Variants in KCNH5 observed in about 807,000 individuals in gnomAD.
The protein encoded by KCNH5 is voltage-gated delayed rectifier potassium channel KCNH5.
In KCNH5, 46 loss-of-function variants were observed where a neutral mutation model predicts 96.1. That is an observed-to-expected ratio of 0.48 (90% CI 0.38 to 0.61). The LOEUF is 0.61. Among genes scored for constraint, KCNH5 ranks in the 20% least tolerant of loss-of-function variants. The probability of loss-of-function intolerance (pLI) is 0.00; values close to 1 mark genes in which losing one functional copy is unlikely to be tolerated. For synonymous variants in KCNH5, 439 were observed against 449.8 expected, an observed-to-expected ratio of 0.98 and a Z score of 0.30; for missense variants, 907 against 1,225.8, an observed-to-expected ratio of 0.74 and a Z score of 3.88.
chr14:62,834,028 T>A (rs1289634667), intron 8 of KCNH5, among the ~76,000 whole-genome samples: 1 of 152,046 alleles, frequency 6.6e-6, no homozygotes, highest in African/African-American at 2.4e-5. Flanking sequence ...TGTTGTAAAA[T>A]CCAAATGGAA....
intron 8 of KCNH5, among the ~76,000 whole-genome samples, chr14:62,820,719 T>C (rs920438592): frequency 6.6e-6 from 1 of 152,184 alleles, no homozygotes; most frequent in African/African-American, 2.4e-5. Flanking sequence ...ATGTACCACA[T>C]TTTCTTTATT....
At chr14:63,038,076 T>C (rs1935886454) in intron 1 of KCNH5, among the ~76,000 whole-genome samples, 1 of 152,222 alleles carries the variant, frequency 6.6e-6, no homozygotes, top group South Asian at 2.1e-4. Context: ...AAGTACCATC[T>C]GATTTGCCCT....
intron 10 of KCNH5, among the ~76,000 whole-genome samples, chr14:62,720,701 T>G (rs1346901733): frequency 1.3e-5 from 2 of 152,178 alleles, no homozygotes; most frequent in Non-Finnish European, 2.9e-5. Flanking sequence ...TCAGTAAAAC[T>G]GACAGGTTTG....
chr14:63,044,418 T>G (rs1315861402), intron 1 of KCNH5, among the ~76,000 whole-genome samples: 1 of 152,190 alleles, frequency 6.6e-6, no homozygotes, highest in Admixed American at 6.5e-5. Context: ...TTTTTTCTAG[T>G]TGCATTAAAA....
intron 9 of KCNH5, among the ~76,000 whole-genome samples, chr14:62,795,535 T>C (rs1464965319): frequency 2.6e-5 from 4 of 152,164 alleles, no homozygotes; most frequent in Non-Finnish European, 2.9e-5. Flanking sequence ...TGTGCATAGG[T>C]TGTATGCAAA....
intron 10 of KCNH5, chr14:62,712,503 G>C: frequency 1.6e-6 from 1 of 626,448 alleles, no homozygotes; most frequent in Non-Finnish European, 2.9e-6. Context: ...GTTTCCCTTA[G>C]GTCACACAAC....
intron 8 of KCNH5, among the ~76,000 whole-genome samples, chr14:62,808,677 T>C (rs181551675): frequency 6.6e-6 from 1 of 152,274 alleles, no homozygotes; most frequent in East Asian, 1.9e-4. Flanking sequence ...TACTGGTATA[T>C]GTTCCAAAGT....
chr14:63,021,750 T>C (rs1166795121), intron 1 of KCNH5, among the ~76,000 whole-genome samples: 1 of 151,930 alleles, frequency 6.6e-6, no homozygotes, highest in African/African-American at 2.4e-5. Context: ...ACAGGATGCT[T>C]TTCACTCATT....
chr14:62,822,076 A>G (rs565460229), intron 8 of KCNH5, among the ~76,000 whole-genome samples: 2 of 152,346 alleles, frequency 1.3e-5, no homozygotes, highest in East Asian at 3.9e-4. Flanking sequence ...TAAAATATGG[A>G]CAAGAGCTGT....
intron 1 of KCNH5, among the ~76,000 whole-genome samples, chr14:63,025,778 G>A (rs560386951): frequency 7.2e-5 from 11 of 151,752 alleles, no homozygotes; most frequent in Admixed American, 5.9e-4. Context: ...TTGTTAAAAC[G>A]TCCATACTAC....
At chr14:62,735,168 T>C (rs1184004186) in intron 10 of KCNH5, among the ~76,000 whole-genome samples, 2 of 152,090 alleles carry the variant, frequency 1.3e-5, no homozygotes, top group Non-Finnish European at 2.9e-5. Flanking sequence ...TGATATTCAG[T>C]TTGAAAGTGG....
At chr14:62,897,603 C>A (rs1014176588) in intron 7 of KCNH5, among the ~76,000 whole-genome samples, 1 of 152,022 alleles carries the variant, frequency 6.6e-6, no homozygotes, top group Non-Finnish European at 1.5e-5. Context: ...CCCTGTTTGA[C>A]CCAGAACAAG....
intron 2 of KCNH5, among the ~76,000 whole-genome samples, chr14:63,011,621 G>A (rs1182737174): frequency 6.6e-6 from 1 of 152,134 alleles, no homozygotes; most frequent in East Asian, 1.9e-4. Context: ...GATTTCACTG[G>A]AGTAAATAAA....
At chr14:62,852,852 G>A (rs1483697441) in intron 7 of KCNH5, among the ~76,000 whole-genome samples, 2 of 152,050 alleles carry the variant, frequency 1.3e-5, no homozygotes, top group East Asian at 3.9e-4. Flanking sequence ...AATGAGAGAG[G>A]CCTTGGAGCA....
intron 10 of KCNH5, chr14:62,712,658 C>T (rs756838735): frequency 3.9e-6 from 3 of 776,950 alleles, no homozygotes; most frequent in Middle Eastern, 4.5e-4. Flanking sequence ...GGAAGTCGTG[C>T]AGCAGTTTCA....
In KCNH5 at chr14:62,704,804, T is replaced by C. The variant is rs1031336777; in HGVS notation, c.*2704A>G. The C allele has an allele frequency of 1.3e-5, 2 of 152,000 alleles. No individual in the cohort carries two copies. Among genetic ancestry groups the C allele is most frequent in the African/African-American group, 4.8e-5 (2 of 41,448 alleles). The allele number at this position is 152,000 out of a possible 1,614,324, so 9.4% of individuals were successfully genotyped here. On this transcript the variant is annotated 3_prime_UTR_variant, in exon 11 of 11. Transcript: ENST00000322893. ...AGAGCATCTACTGTCTATGTGCTAG[T>C]TGAGGCAACATAGAACATGATTTTA... is the stretch of plus-strand genomic sequence containing the variant.
chr14:62,820,241 T>C (rs1378178256), intron 8 of KCNH5, among the ~76,000 whole-genome samples: 1 of 152,192 alleles, frequency 6.6e-6, no homozygotes, highest in Non-Finnish European at 1.5e-5. Context: ...TAATCAATTA[T>C]GCAATTATTT....
intron 7 of KCNH5, among the ~76,000 whole-genome samples, chr14:62,932,735 G>A (rs1889604979): frequency 6.6e-6 from 1 of 152,014 alleles, no homozygotes; most frequent in Admixed American, 6.6e-5. Context: ...TTTCCAGAGT[G>A]GAAACAGAAA....
chr14:62,991,405 G>GA (rs530571868), intron 4 of KCNH5, among the ~76,000 whole-genome samples: 119 of 151,318 alleles, frequency 7.9e-4, no homozygotes, highest in Admixed American at 1.8e-3. Context: ...ACTGCTGGCA[G>GA]AAAAAAGAAA....
Sources: gnomAD v4.1 joint callset for allele counts (sites outside exome capture counted in the v4.1 genomes callset) on GRCh38, gnomAD v4.1.1 for gene constraint, MANE v1.5 for transcripts, NCBI Gene and HGNC (gene_info 2026-07-23, HGNC 2026-07-21) for gene names.